Variants in NEBL observed in about 807,000 individuals in gnomAD.
The protein encoded by NEBL is LIM and SH3 protein 2.
A neutral mutation model predicts 140.2 loss-of-function variants in NEBL; 122 were observed. That is an observed-to-expected ratio of 0.87 (90% CI 0.75 to 1.01). The LOEUF (loss-of-function observed/expected upper bound fraction) is 1.01. Ranked by LOEUF, NEBL falls within the 50% of genes least tolerant of loss-of-function variation. The pLI, the probability that NEBL is intolerant of heterozygous loss-of-function variation, is 0.00. For synonymous variants in NEBL, 436 were observed against 398.9 expected, an observed-to-expected ratio of 1.09 and a Z score of -1.11; for missense variants, 1,365 against 1,231.3, an observed-to-expected ratio of 1.11 and a Z score of -1.62.
intron 2 of NEBL, among the ~76,000 whole-genome samples, chr10:21,091,062 C>T (rs1836888032): frequency 6.6e-6 from 1 of 152,142 alleles, no homozygotes. Flanking sequence ...GTCAACTCCA[C>T]CTCCTGAACC....
chr10:20,900,567 T>C (rs1001150676), upstream of NEBL, among the ~76,000 whole-genome samples: 1 of 150,812 alleles, frequency 6.6e-6, no homozygotes, highest in Non-Finnish European at 1.5e-5. Flanking sequence ...TTCACGCCTG[T>C]AATCCTAGCA....
chr10:20,900,829 A>C (rs759138269), upstream of NEBL, among the ~76,000 whole-genome samples: 6 of 139,922 alleles, frequency 4.3e-5, no homozygotes, highest in Non-Finnish European at 7.6e-5. Context: ...TAGGTGACAG[A>C]GTGAGACTCC....
At chr10:21,192,466 A>AAT (rs1841588770) in intron 3 of NEBL, among the ~76,000 whole-genome samples, 2 of 151,162 alleles carry the variant, frequency 1.3e-5, no homozygotes, top group African/African-American at 4.9e-5. Flanking sequence ...TGCTGGGATT[A>AAT]CAGGTGTGAG....
chr10:20,995,775 C>T (rs2082029496), intron 3 of NEBL, among the ~76,000 whole-genome samples: 1 of 152,022 alleles, frequency 6.6e-6, no homozygotes, highest in African/African-American at 2.4e-5. Context: ...CAGCTGTTGC[C>T]GAGCCACCTC....
chr10:21,290,912 T>C (rs9971367), intron 1 of NEBL, among the ~76,000 whole-genome samples: 18,838 of 152,184 alleles, frequency 0.12, 1,231 homozygotes, highest in South Asian at 0.19. Flanking sequence ...GTTAGTAACT[T>C]TGCATGCCTT....
intron 2 of NEBL, among the ~76,000 whole-genome samples, chr10:21,085,736 A>T (rs1021092493): frequency 6.6e-6 from 1 of 152,000 alleles, no homozygotes; most frequent in Non-Finnish European, 1.5e-5. Context: ...AGAAGTGTAT[A>T]TGTGTTAAAG....
intron 3 of NEBL, among the ~76,000 whole-genome samples, chr10:21,193,189 G>C (rs1293552550): frequency 6.6e-6 from 1 of 152,180 alleles, no homozygotes; most frequent in East Asian, 1.9e-4. Context: ...GAATGGGAGA[G>C]AGAAGGTAGA....
chr10:21,117,874 C>T (rs1206642964), intron 2 of NEBL, among the ~76,000 whole-genome samples: 1 of 149,792 alleles, frequency 6.7e-6, no homozygotes, highest in Non-Finnish European at 1.5e-5. Context: ...TCTCTATGAC[C>T]TTACATAAGT....
At chr10:20,866,586 T>C (rs968384453) in intron 7 of NEBL, among the ~76,000 whole-genome samples, 2 of 152,204 alleles carry the variant, frequency 1.3e-5, no homozygotes, top group African/African-American at 4.8e-5. Flanking sequence ...ATCAGATTTC[T>C]GTCCCCTGGC....
At chr10:20,932,146 C>T (rs1037547154) in intron 4 of NEBL, among the ~76,000 whole-genome samples, 1 of 152,136 alleles carries the variant, frequency 6.6e-6, no homozygotes. Flanking sequence ...CAGTGGCCAC[C>T]AGCTTAGTCC....
chr10:20,940,167 T>C (rs1466159593), intron 4 of NEBL, among the ~76,000 whole-genome samples: 33 of 152,098 alleles, frequency 2.2e-4, no homozygotes, highest in Non-Finnish European at 3.8e-4. Flanking sequence ...TATTCCAAAA[T>C]TGACCACATA....
chr10:21,230,091 C>T (rs1367199402), intron 3 of NEBL, among the ~76,000 whole-genome samples: 5 of 152,162 alleles, frequency 3.3e-5, no homozygotes, highest in African/African-American at 1.2e-4. Context: ...CAGATGCAAA[C>T]ATTCCATTTC....
chr10:21,068,376 T>A (rs1424915036), intron 2 of NEBL, among the ~76,000 whole-genome samples: 1 of 152,218 alleles, frequency 6.6e-6, no homozygotes, highest in African/African-American at 2.4e-5. Flanking sequence ...TGGGGCTGTT[T>A]CAACCCCTAC....
chr10:20,941,959 A>G (rs1360838214), intron 4 of NEBL, among the ~76,000 whole-genome samples: 1 of 152,190 alleles, frequency 6.6e-6, no homozygotes, highest in Non-Finnish European at 1.5e-5. Flanking sequence ...AAATGGAAGA[A>G]CATTCCATGC....
chr10:21,058,067 C>G (rs142629899), intron 2 of NEBL, among the ~76,000 whole-genome samples: 3 of 152,308 alleles, frequency 2.0e-5, no homozygotes, highest in East Asian at 3.9e-4. Context: ...CAGTTGCAAT[C>G]AGCTCAGCAT....
intron 2 of NEBL, among the ~76,000 whole-genome samples, chr10:21,033,016 C>T (rs554511476): frequency 6.6e-6 from 1 of 152,188 alleles, no homozygotes; most frequent in Non-Finnish European, 1.5e-5. Flanking sequence ...TTAATACACA[C>T]ACACACACAC....
chr10:20,803,097 C>A (rs1327370347), intron 26 of NEBL, among the ~76,000 whole-genome samples: 1 of 152,144 alleles, frequency 6.6e-6, no homozygotes, highest in African/African-American at 2.4e-5. Context: ...CGACCACAAG[C>A]AGGCAACCAA....
chr10:20,808,608 G>A lies in NEBL; in HGVS notation c.2663C>T (p.Thr888Ile), dbSNP rs1300583552. 1 of 1,613,444 alleles carries A rather than the reference G, an allele frequency of 6.2e-7. No homozygotes were observed. Residue 888 changes from threonine (T) to isoleucine (I), a missense_variant, in exon 26 of 28, where the codon ACT (threonine) becomes ATT (isoleucine). Around this residue, in one of 2 missense-constraint regions of NEBL, gnomAD observed 1,323 missense variants for 1,154.8 expected, o/e 1.15. Transcript: ENST00000377122. ...RHWSRSHSSSTFGTGLGDDRS... is the reference protein window; with the variant it reads ...RHWSRSHSSSIFGTGLGDDRS... ...GTCGTCTCCGAGACCTGTACCGAAA[G>A]TACTGCTGGAATGGGATCGAGACCA...
intron 2 of NEBL, among the ~76,000 whole-genome samples, chr10:21,145,227 C>T (rs1839838502): frequency 1.3e-5 from 2 of 152,120 alleles, no homozygotes; most frequent in Admixed American, 6.5e-5. Flanking sequence ...TTGATAGTGG[C>T]CAACAAAATA....
Sources: allele counts gnomAD v4.1 joint callset (sites outside exome capture counted in the v4.1 genomes callset), GRCh38; gene constraint gnomAD v4.1.1; regional missense constraint gnomAD v4.1.1; transcripts MANE v1.5; gene names NCBI Gene and HGNC (gene_info 2026-07-23, HGNC 2026-07-21).